Variants in PPARGC1A observed in about 807,000 individuals in gnomAD.
PPARGC1A encodes peroxisome proliferator-activated receptor gamma coactivator 1-alpha.
A neutral mutation model predicts 88.7 loss-of-function variants in PPARGC1A; 25 were observed. The ratio of observed to expected loss-of-function variants is 0.28; its 90% confidence interval spans 0.21 to 0.39. The LOEUF is 0.39. Among genes scored for constraint, PPARGC1A ranks in the 10% least tolerant of loss-of-function variants. The pLI is 1.00. For synonymous variants in PPARGC1A, 363 were observed against 355.6 expected, an observed-to-expected ratio of 1.02 and a Z score of -0.24; for missense variants, 880 against 968.7, an observed-to-expected ratio of 0.91 and a Z score of 1.22.
intron 2 of PPARGC1A, among the ~76,000 whole-genome samples, chr4:23,870,300 C>G (rs1350801395): frequency 1.3e-5 from 2 of 152,124 alleles, no homozygotes; most frequent in East Asian, 3.9e-4. Context: ...TACATATTTT[C>G]CCCACTTTAA....
chr4:23,985,009 G>A, the PPARGC1A span, among the ~76,000 whole-genome samples: 22 of 152,060 alleles, frequency 1.4e-4, no homozygotes, highest in Non-Finnish European at 2.9e-4. Flanking sequence ...ATTTCAGAGT[G>A]GCCAGAAGAC....
At chr4:24,284,822 T>C in the PPARGC1A span, among the ~76,000 whole-genome samples, 1 of 151,740 alleles carries the variant, frequency 6.6e-6, no homozygotes, top group East Asian at 1.9e-4. Context: ...AGGTCAGGAG[T>C]TGGAGACCAG....
intron 2 of PPARGC1A, among the ~76,000 whole-genome samples, chr4:23,844,803 A>C (rs1296767295): frequency 7.9e-6 from 1 of 126,354 alleles, no homozygotes; most frequent in Non-Finnish European, 1.6e-5. Flanking sequence ...TATGATATAT[A>C]TTATTATAAT....
the PPARGC1A span, among the ~76,000 whole-genome samples, chr4:24,298,193 A>AG: frequency 6.6e-6 from 1 of 151,620 alleles, no homozygotes; most frequent in African/African-American, 2.4e-5. Context: ...AATGAAAAAA[A>AG]AAAAGATAAG....
At chr4:24,014,341 C>T in the PPARGC1A span, among the ~76,000 whole-genome samples, 1 of 152,220 alleles carries the variant, frequency 6.6e-6, no homozygotes, top group Non-Finnish European at 1.5e-5. Context: ...CAGGCGGCAG[C>T]AGGCACAGGT....
the PPARGC1A span, among the ~76,000 whole-genome samples, chr4:23,956,018 T>G: frequency 6.6e-6 from 1 of 152,150 alleles, no homozygotes; most frequent in African/African-American, 2.4e-5. Context: ...TGAACAGGCA[T>G]GGCTATCCAA....
the PPARGC1A span, among the ~76,000 whole-genome samples, chr4:24,403,660 G>A: frequency 2.6e-5 from 4 of 152,206 alleles, no homozygotes; most frequent in Admixed American, 1.3e-4. Context: ...TTCCCCAGAA[G>A]ATCTCTTAGG....
At chr4:24,204,449 C>G in the PPARGC1A span, among the ~76,000 whole-genome samples, 1 of 145,656 alleles carries the variant, frequency 6.9e-6, no homozygotes. Flanking sequence ...AAATGTAAGA[C>G]TGAAAGGGAG....
chr4:24,232,616 T>G, the PPARGC1A span, among the ~76,000 whole-genome samples: 2 of 152,232 alleles, frequency 1.3e-5, no homozygotes, highest in Admixed American at 1.3e-4. Context: ...AATACAGGGA[T>G]GCACAATACA....
At chr4:24,308,831 C>CT in the PPARGC1A span, among the ~76,000 whole-genome samples, 1 of 151,948 alleles carries the variant, frequency 6.6e-6, no homozygotes, top group Admixed American at 6.6e-5. Flanking sequence ...CAACTGGGTC[C>CT]CAAAAAGATG....
the PPARGC1A span, among the ~76,000 whole-genome samples, chr4:24,206,779 G>T: frequency 6.7e-6 from 1 of 148,990 alleles, no homozygotes. Flanking sequence ...GGTGGAGGCT[G>T]CAGTGAGCCA....
chr4:24,189,352 C>T, the PPARGC1A span, among the ~76,000 whole-genome samples: 1 of 152,068 alleles, frequency 6.6e-6, no homozygotes, highest in African/African-American at 2.4e-5. Context: ...GAGACTTGAT[C>T]TAAATGATTC....
the PPARGC1A span, among the ~76,000 whole-genome samples, chr4:24,146,861 T>C: frequency 6.6e-6 from 1 of 152,224 alleles, no homozygotes. Flanking sequence ...TTCCTTGTTA[T>C]TCTTTTCCAC....
the PPARGC1A span, among the ~76,000 whole-genome samples, chr4:23,978,235 C>T: frequency 6.6e-6 from 1 of 152,270 alleles, no homozygotes; most frequent in African/African-American, 2.4e-5. Flanking sequence ...CCTCATCATC[C>T]TTCCCTATTT....
the PPARGC1A span, among the ~76,000 whole-genome samples, chr4:23,959,642 C>T: frequency 1.3e-5 from 2 of 151,970 alleles, no homozygotes; most frequent in Non-Finnish European, 2.9e-5. Flanking sequence ...GTCTTGCTGC[C>T]CTTCTAAACC....
chr4:24,288,216 A>C, the PPARGC1A span, among the ~76,000 whole-genome samples: 2 of 152,182 alleles, frequency 1.3e-5, no homozygotes, highest in South Asian at 4.1e-4. Context: ...CAGATCCTTC[A>C]GCAGCTGACC....
At chr4:24,207,076 T>G in the PPARGC1A span, among the ~76,000 whole-genome samples, 2 of 152,070 alleles carry the variant, frequency 1.3e-5, no homozygotes, top group Non-Finnish European at 2.9e-5. Context: ...CTCTCAAATT[T>G]TTTTAAATGT....
At chr4:24,436,940 C>T in the PPARGC1A span, among the ~76,000 whole-genome samples, 31 of 152,330 alleles carry the variant, frequency 2.0e-4, 1 homozygote, top group Middle Eastern at 3.4e-3. Context: ...GAGCCCAGGT[C>T]GCACCCAGGA....
the PPARGC1A span, among the ~76,000 whole-genome samples, chr4:24,327,576 C>A: frequency 6.6e-6 from 1 of 152,014 alleles, no homozygotes; most frequent in African/African-American, 2.4e-5. Context: ...CGTATCCAGG[C>A]CATCACCAAT....
Sources: gnomAD v4.1 joint callset for allele counts (sites outside exome capture counted in the v4.1 genomes callset) on GRCh38, gnomAD v4.1.1 for gene constraint, MANE v1.5 for transcripts, NCBI Gene and HGNC (gene_info 2026-07-23, HGNC 2026-07-21) for gene names.